Variants in CENPP observed in about 807,000 individuals in gnomAD.
The protein encoded by CENPP is centromere protein P.
Under a neutral mutation model 35.6 loss-of-function variants are expected in CENPP, and 24 were observed. That is an observed-to-expected ratio of 0.67 (90% CI 0.49 to 0.95). The LOEUF (loss-of-function observed/expected upper bound fraction) is 0.95. Among genes scored for constraint, CENPP ranks in the 40% least tolerant of loss-of-function variants. CENPP has a pLI of 0.00. For synonymous variants in CENPP, 120 were observed against 125.5 expected (o/e 0.96, Z 0.29); for missense variants, 332 against 345.3 (o/e 0.96, Z 0.31).
chr9:92,353,522 C>T (rs2130819102), intron 4 of CENPP, among the ~76,000 whole-genome samples: 1 of 152,270 alleles, frequency 6.6e-6, no homozygotes, highest in Non-Finnish European at 1.5e-5. Context: ...TCTTCCTTAC[C>T]TCCATTGTGA....
chr9:92,474,450 TA>T (rs1451622631), intron 5 of CENPP, among the ~76,000 whole-genome samples: 2 of 152,200 alleles, frequency 1.3e-5, no homozygotes, highest in Admixed American at 6.5e-5. Flanking sequence ...TTCTTAATTT[TA>T]AAAATAAGTT....
intron 5 of CENPP, chr9:92,466,667 TA>T: frequency 8.9e-7 from 1 of 1,125,352 alleles, no homozygotes. Context: ...CAGTACAATT[TA>T]TATCAGTGGT....
At chr9:92,539,074 A>C (rs1849254201) in intron 5 of CENPP, 1 of 152,208 alleles carries the variant, frequency 6.6e-6, no homozygotes, top group African/African-American at 2.4e-5. Context: ...CAGCCCGAAT[A>C]AGGAGGCTTA....
chr9:92,483,661 C>T (rs1166821756), intron 5 of CENPP, among the ~76,000 whole-genome samples: 1 of 152,214 alleles, frequency 6.6e-6, no homozygotes, highest in Non-Finnish European at 1.5e-5. Context: ...CTGTTCTCTA[C>T]TGTCATCAAG....
At chr9:92,433,812 A>T (rs1156617336) in intron 5 of CENPP, among the ~76,000 whole-genome samples, 1 of 152,066 alleles carries the variant, frequency 6.6e-6, no homozygotes, top group African/African-American at 2.4e-5. Flanking sequence ...CTTGCCTGTA[A>T]TCCCAGCTAC....
chr9:92,608,554 T>C (rs570525363), intron 5 of CENPP, among the ~76,000 whole-genome samples: 2 of 152,324 alleles, frequency 1.3e-5, no homozygotes, highest in Admixed American at 1.3e-4. Flanking sequence ...GTATTGTATA[T>C]AACTAACGTA....
chr9:92,435,818 A>G (rs1588128258), intron 5 of CENPP, among the ~76,000 whole-genome samples: 1 of 152,198 alleles, frequency 6.6e-6, no homozygotes, highest in Non-Finnish European at 1.5e-5. Context: ...CACTGAAAAA[A>G]CATCTGGGCT....
intron 5 of CENPP, among the ~76,000 whole-genome samples, chr9:92,601,978 G>C (rs780884326): frequency 6.6e-6 from 1 of 152,166 alleles, no homozygotes; most frequent in Non-Finnish European, 1.5e-5. Flanking sequence ...CAGGAGCAAC[G>C]AGCCCAGGTC....
intron 5 of CENPP, among the ~76,000 whole-genome samples, chr9:92,588,249 G>A (rs1850586253): frequency 6.6e-6 from 1 of 151,348 alleles, no homozygotes; most frequent in Non-Finnish European, 1.5e-5. Context: ...TTGTTTGTTT[G>A]TTTGTTTTGG....
intron 5 of CENPP, chr9:92,501,056 G>T (rs765973788): frequency 1.2e-6 from 2 of 1,607,998 alleles, no homozygotes; most frequent in Admixed American, 3.4e-5. Context: ...CTAGATTTCT[G>T]CAGCAAAGAA....
At chr9:92,520,314 G>T (rs1847986491) in intron 5 of CENPP, among the ~76,000 whole-genome samples, 1 of 151,964 alleles carries the variant, frequency 6.6e-6, no homozygotes, top group African/African-American at 2.4e-5. Context: ...CATAGGGGTT[G>T]AATAGATATT....
At chr9:92,585,692 A>G (rs1053714238) in intron 5 of CENPP, among the ~76,000 whole-genome samples, 25 of 152,206 alleles carry the variant, frequency 1.6e-4, no homozygotes, top group African/African-American at 5.8e-4. Context: ...TGGAATCTAA[A>G]ATTGACAGAA....
At chr9:92,581,845 A>G (rs1362458645) in intron 5 of CENPP, among the ~76,000 whole-genome samples, 2 of 152,212 alleles carry the variant, frequency 1.3e-5, no homozygotes, top group East Asian at 1.9e-4. Flanking sequence ...CTAGCATTCA[A>G]AAATACACAG....
intron 5 of CENPP, among the ~76,000 whole-genome samples, chr9:92,511,307 A>T (rs933837485): frequency 6.6e-6 from 1 of 152,020 alleles, no homozygotes; most frequent in Admixed American, 6.5e-5. Context: ...TTGTATTTTT[A>T]GTAGAGACGG....
In CENPP at chr9:92,415,470, A is replaced by T. The variant is rs111485402; in HGVS notation, c.564+35611A>T. Reference sequence around the variant, plus strand: ...CAATAGAAGGACACATCACTGTAAGATTCATCTCTGAAAGAAATAAATTAA... The same window carrying T: ...CAATAGAAGGACACATCACTGTAAGTTTCATCTCTGAAAGAAATAAATTAA... On this transcript the variant is annotated intron_variant, in intron 5 of 7. Coordinates refer to ENST00000375587, the MANE Select transcript of CENPP (RefSeq NM_001012267.3). The T allele has an allele frequency of 5.1e-6, 8 of 1,571,228 alleles. No homozygotes were observed. In the African/African-American group the frequency reaches 5.5e-5, roughly 11 times the overall value.
At chr9:92,485,108 G>A (rs1377156161) in intron 5 of CENPP, among the ~76,000 whole-genome samples, 1 of 152,206 alleles carries the variant, frequency 6.6e-6, no homozygotes, top group Non-Finnish European at 1.5e-5. Flanking sequence ...CAGAGATGGT[G>A]CAGCAGGCAC....
chr9:92,333,191 T>A (rs1564262693), intron 2 of CENPP, among the ~76,000 whole-genome samples: 1 of 152,236 alleles, frequency 6.6e-6, no homozygotes, highest in Non-Finnish European at 1.5e-5. Flanking sequence ...GAACTTTGGT[T>A]GGTCAAGAAT....
At chr9:92,591,419 AAAAT>A (rs376342154) in intron 5 of CENPP, among the ~76,000 whole-genome samples, 411 of 151,592 alleles carry the variant, frequency 2.7e-3, no homozygotes, top group Non-Finnish European at 4.7e-3. Flanking sequence ...ACTCTGTCTC[AAAAT>A]AAATAAATAA....
intron 5 of CENPP, among the ~76,000 whole-genome samples, chr9:92,604,973 G>A (rs1851034683): frequency 6.6e-6 from 1 of 151,986 alleles, no homozygotes; most frequent in Non-Finnish European, 1.5e-5. Flanking sequence ...AAGTTTTACA[G>A]TTTTAGCCCT....
Sources: gnomAD v4.1 joint callset for allele counts (sites outside exome capture counted in the v4.1 genomes callset) on GRCh38, gnomAD v4.1.1 for gene constraint, MANE v1.5 for transcripts, NCBI Gene and HGNC (gene_info 2026-07-23, HGNC 2026-07-21) for gene names.